The following DLG2 variants were observed in gnomAD, a reference collection of about 807,000 sequenced individuals.
The protein encoded by DLG2 is discs large MAGUK scaffold protein 2, also known as disks large homolog 2.
Under a neutral mutation model 132.5 loss-of-function variants are expected in DLG2, and 45 were observed. That is an observed-to-expected ratio of 0.34 (90% CI 0.27 to 0.44). The LOEUF (loss-of-function observed/expected upper bound fraction) is 0.44. Among genes scored for constraint, DLG2 ranks in the 20% least tolerant of loss-of-function variants. The pLI is 1.00. For synonymous variants in DLG2, 424 were observed against 419.6 expected (o/e 1.01, Z -0.13); for missense variants, 1,045 against 1,196.9 (o/e 0.87, Z 1.87).
At chr11:83,625,629 G>A (rs904117081) in intron 19 of DLG2, among the ~76,000 whole-genome samples, 8 of 152,150 alleles carry the variant, frequency 5.3e-5, no homozygotes, top group Admixed American at 2.0e-4. Context: ...GGAATAGAAC[G>A]ACTAACTGTG....
intron 3 of DLG2, among the ~76,000 whole-genome samples, chr11:85,451,875 T>A (rs1450705229): frequency 6.6e-6 from 1 of 152,186 alleles, no homozygotes; most frequent in Non-Finnish European, 1.5e-5. Flanking sequence ...TATTTTTATA[T>A]TGCTCTGTCA....
intron 7 of DLG2, among the ~76,000 whole-genome samples, chr11:84,475,453 G>A (rs547626646): frequency 2.0e-5 from 3 of 152,150 alleles, no homozygotes; most frequent in East Asian, 3.9e-4. Context: ...TCCTCTAAGG[G>A]TGATTTGTGT....
At chr11:84,543,308 G>C (rs753045883) in intron 6 of DLG2, among the ~76,000 whole-genome samples, 11 of 152,110 alleles carry the variant, frequency 7.2e-5, no homozygotes, top group Non-Finnish European at 1.3e-4. Flanking sequence ...AGGCAAGAGA[G>C]ACTACATAAT....
chr11:85,259,536 C>T (rs1478760885), intron 4 of DLG2, among the ~76,000 whole-genome samples: 1 of 151,970 alleles, frequency 6.6e-6, no homozygotes, highest in Admixed American at 6.6e-5. Flanking sequence ...TCCCAAGTAA[C>T]CTTCCTTGGT....
chr11:85,602,853 C>T (rs1043409626), intron 2 of DLG2, among the ~76,000 whole-genome samples: 1 of 152,184 alleles, frequency 6.6e-6, no homozygotes, highest in African/African-American at 2.4e-5. Context: ...TAACACTCTT[C>T]TCTCAGGTAT....
At chr11:84,856,085 T>C (rs572500049) in intron 6 of DLG2, among the ~76,000 whole-genome samples, 64 of 152,236 alleles carry the variant, frequency 4.2e-4, no homozygotes, top group African/African-American at 1.5e-3. Flanking sequence ...TCCTGATGCA[T>C]TCCTTTTCAT....
At chr11:83,586,637 G>A (rs760211893) in intron 19 of DLG2, among the ~76,000 whole-genome samples, 2 of 152,328 alleles carry the variant, frequency 1.3e-5, no homozygotes, top group Admixed American at 6.5e-5. Flanking sequence ...ACTGTTCTAA[G>A]TTTGTTACTT....
intron 19 of DLG2, among the ~76,000 whole-genome samples, chr11:83,561,131 C>T (rs2096603014): frequency 6.6e-6 from 1 of 152,140 alleles, no homozygotes; most frequent in South Asian, 2.1e-4. Flanking sequence ...ATGAGAACAG[C>T]ACCAAGAGCA....
chr11:83,653,031 A>G (rs1280984009), intron 18 of DLG2, among the ~76,000 whole-genome samples: 4 of 152,228 alleles, frequency 2.6e-5, no homozygotes, highest in Non-Finnish European at 5.9e-5. Context: ...TCACACAGCT[A>G]GAAAATGTTG....
At chr11:84,888,991 T>A (rs964086301) in intron 6 of DLG2, among the ~76,000 whole-genome samples, 2 of 152,210 alleles carry the variant, frequency 1.3e-5, no homozygotes, top group African/African-American at 2.4e-5. Context: ...TGTCTTCCAC[T>A]GAAGAAGAAA....
At chr11:84,204,853 C>T (rs1362481892) in intron 8 of DLG2, among the ~76,000 whole-genome samples, 1 of 152,122 alleles carries the variant, frequency 6.6e-6, no homozygotes, top group Non-Finnish European at 1.5e-5. Flanking sequence ...AGGCTCCCGC[C>T]ACCACACTTG....
At chr11:85,502,118 G>A (rs1216978527) in intron 3 of DLG2, among the ~76,000 whole-genome samples, 2 of 152,076 alleles carry the variant, frequency 1.3e-5, no homozygotes, top group African/African-American at 2.4e-5. Context: ...GTCCTTTGCA[G>A]GGACATGGAT....
chr11:83,691,083 G>A (rs2080912732), intron 18 of DLG2, among the ~76,000 whole-genome samples: 1 of 152,164 alleles, frequency 6.6e-6, no homozygotes, highest in African/African-American at 2.4e-5. Flanking sequence ...GTTGCAGCTT[G>A]CATGGCTCTA....
At chr11:84,999,252 T>C (rs528007302) in intron 6 of DLG2, among the ~76,000 whole-genome samples, 14 of 152,122 alleles carry the variant, frequency 9.2e-5, no homozygotes, top group Admixed American at 2.0e-4. Context: ...AGGCAGATAC[T>C]CCTATAAATA....
At chr11:84,202,955 A>C (rs2096615990) in intron 8 of DLG2, among the ~76,000 whole-genome samples, 1 of 152,132 alleles carries the variant, frequency 6.6e-6, no homozygotes, top group Admixed American at 6.5e-5. Flanking sequence ...TTTAAAAGTC[A>C]AACAACAACA....
intron 3 of DLG2, among the ~76,000 whole-genome samples, chr11:85,324,170 A>G (rs533987748): frequency 4.2e-4 from 64 of 152,298 alleles, no homozygotes; most frequent in African/African-American, 1.5e-3. Flanking sequence ...TCTCTGAATT[A>G]TGTAGGCCCA....
intron 4 of DLG2, among the ~76,000 whole-genome samples, chr11:85,157,857 T>C (rs1195988180): frequency 6.6e-6 from 1 of 152,076 alleles, no homozygotes; most frequent in Non-Finnish European, 1.5e-5. Flanking sequence ...GACGAAGCTT[T>C]TTTTGCCAGA....
At chr11:84,731,907 G>C (rs2063203315) in intron 6 of DLG2, among the ~76,000 whole-genome samples, 1 of 151,720 alleles carries the variant, frequency 6.6e-6, no homozygotes, top group Non-Finnish European at 1.5e-5. Flanking sequence ...ACGTTTCCAC[G>C]TGCCCCTTTA....
intron 7 of DLG2, among the ~76,000 whole-genome samples, chr11:84,404,644 T>A (rs1413337387): frequency 6.6e-6 from 1 of 152,150 alleles, no homozygotes; most frequent in Non-Finnish European, 1.5e-5. Context: ...AGTTTTGTGT[T>A]TGTCTTATTT....
Sources: allele counts gnomAD v4.1 joint callset (sites outside exome capture counted in the v4.1 genomes callset), GRCh38; gene constraint gnomAD v4.1.1; transcripts MANE v1.5; gene names NCBI Gene and HGNC (gene_info 2026-07-23, HGNC 2026-07-21).